The following ATM variants were observed in gnomAD, a reference collection of about 807,000 sequenced individuals.
The protein encoded by ATM is ATM serine/threonine kinase.
A neutral mutation model predicts 387.0 loss-of-function variants in ATM; 308 were observed. That is an observed-to-expected ratio of 0.80 (90% CI 0.73 to 0.87). ATM has a LOEUF of 0.87. Ranked by LOEUF, ATM falls within the 40% of genes least tolerant of loss-of-function variation. ATM has a pLI of 0.00. For synonymous variants in ATM, 1,156 were observed against 1,187.3 expected (o/e 0.97, Z 0.54); for missense variants, 3,312 against 3,560.9 (o/e 0.93, Z 1.78).
intron 22 of ATM, among the ~76,000 whole-genome samples, chr11:108,275,766 C>A (rs1256254213): frequency 2.0e-5 from 3 of 152,144 alleles, no homozygotes; most frequent in African/African-American, 7.2e-5. Flanking sequence ...TTGTGGGTAA[C>A]CCGACCTTTC....
intron 26 of ATM, among the ~76,000 whole-genome samples, 160 bp downstream of exon 26, chr11:108,284,633 A>G (rs1591647216): frequency 6.6e-6 from 1 of 152,290 alleles, no homozygotes; most frequent in East Asian, 1.9e-4. Flanking sequence ...TTTTTTGGTT[A>G]TGTCGTGTTG....
At chr11:108,232,688 C>T (rs1038100775) in intron 4 of ATM, among the ~76,000 whole-genome samples, 14 of 151,158 alleles carry the variant, frequency 9.3e-5, no homozygotes, top group African/African-American at 1.5e-4. Context: ...TATAGGCACA[C>T]GCCGCCAGGC....
chr11:108,286,149 T>C (rs1201538762), intron 26 of ATM, among the ~76,000 whole-genome samples: 1 of 151,466 alleles, frequency 6.6e-6, no homozygotes, highest in Non-Finnish European at 1.5e-5. Context: ...CTGGCCAACA[T>C]GGTGAAACCC....
intron 16 of ATM, among the ~76,000 whole-genome samples, chr11:108,262,971 C>A (rs1229899250): frequency 2.0e-5 from 3 of 151,988 alleles, no homozygotes; most frequent in South Asian, 2.1e-4. Context: ...CAGGAGCACC[C>A]AGATTCATAA....
chr11:108,252,947 G>A (rs1258707044), intron 12 of ATM, 35 bp downstream of exon 12: 3 of 1,510,356 alleles, frequency 2.0e-6, no homozygotes, highest in Non-Finnish European at 2.8e-6. Flanking sequence ...ATCATTTTAA[G>A]CTATAGCTTT....
chr11:108,316,252 A>G (rs2084640332), intron 42 of ATM, 139 bp downstream of exon 42: 1 of 920,094 alleles, frequency 1.1e-6, no homozygotes, highest in Non-Finnish European at 1.7e-6. Context: ...GGATTAGGCT[A>G]AACATTCAGG....
chr11:108,335,588 T>G (rs1316580803), intron 55 of ATM, among the ~76,000 whole-genome samples: 1 of 152,184 alleles, frequency 6.6e-6, no homozygotes, highest in Non-Finnish European at 1.5e-5. Context: ...CTCAGGTGTT[T>G]GCAGTATGCC....
intron 16 of ATM, 81 bp from the exon 17 acceptor site, chr11:108,267,090 C>T (rs2135503391): frequency 7.0e-7 from 1 of 1,423,282 alleles, no homozygotes; most frequent in East Asian, 2.4e-5. Flanking sequence ...GCCACTGTGC[C>T]CAGCCTGATT....
At chr11:108,244,512 G>T (rs2079732851) in intron 6 of ATM, among the ~76,000 whole-genome samples, 1 of 152,078 alleles carries the variant, frequency 6.6e-6, no homozygotes, top group African/African-American at 2.4e-5. Context: ...TTTTATAAAT[G>T]GTGTTACAAA....
chr11:108,266,806 T>G (rs2135500026), intron 16 of ATM, among the ~76,000 whole-genome samples: 1 of 150,062 alleles, frequency 6.7e-6, no homozygotes, highest in Non-Finnish European at 1.5e-5. Context: ...TTTTTTTTTT[T>G]TTTTTGAGAC....
At chr11:108,315,753 T>C in intron 40 of ATM, 70 bp from the exon 41 acceptor site, 1 of 1,215,508 alleles carries the variant, frequency 8.2e-7, no homozygotes, top group African/African-American at 1.5e-5. Context: ...AATGATACAA[T>C]TTAAAATTTG....
At chr11:108,288,103 T>TC (rs2082592736) in intron 27 of ATM, among the ~76,000 whole-genome samples, 2 of 151,948 alleles carry the variant, frequency 1.3e-5, no homozygotes, top group African/African-American at 4.8e-5. Flanking sequence ...GGAGTCTCAC[T>TC]CTGTTGCCCT....
chr11:108,359,191 A>C (rs373310968), intron 61 of ATM, among the ~76,000 whole-genome samples: 9 of 150,336 alleles, frequency 6.0e-5, no homozygotes, highest in African/African-American at 1.7e-4. Context: ...GATCAAAAGA[A>C]ACAAAGAAGG....
intron 7 of ATM, 42 bp downstream of exon 7, chr11:108,245,068 T>A (rs2135245822): frequency 6.8e-7 from 1 of 1,469,224 alleles, no homozygotes. Context: ...GCTTCTTCAT[T>A]CAAACATAGA....
At chr11:108,285,538 A>G (rs563520233) in intron 26 of ATM, among the ~76,000 whole-genome samples, 4 of 152,124 alleles carry the variant, frequency 2.6e-5, no homozygotes, top group Non-Finnish European at 4.4e-5. Context: ...TTATGTATGT[A>G]TTTATTTATT....
At chr11:108,318,835 C>G (rs760735024) in intron 43 of ATM, among the ~76,000 whole-genome samples, 3 of 151,914 alleles carry the variant, frequency 2.0e-5, no homozygotes, top group Non-Finnish European at 4.4e-5. Flanking sequence ...AATGTAAACC[C>G]TAAAAAATTA....
chr11:108,251,760 C>A (rs979762118), intron 10 of ATM, 77 bp from the exon 11 acceptor site: 4 of 1,373,104 alleles, frequency 2.9e-6, no homozygotes, highest in Non-Finnish European at 4.2e-6. Flanking sequence ...ATGTATGTGC[C>A]AGGCACTGTC....
chr11:108,260,778 T>C (rs1025236141), intron 16 of ATM, among the ~76,000 whole-genome samples: 3 of 151,990 alleles, frequency 2.0e-5, no homozygotes, highest in Admixed American at 2.0e-4. Flanking sequence ...GGTCAGTGGG[T>C]GTGCGCACCG....
intron 59 of ATM, 110 bp from the exon 60 acceptor site, chr11:108,353,656 T>C (rs2137279038): frequency 1.2e-6 from 1 of 862,822 alleles, no homozygotes. Flanking sequence ...CTAGTGTTCA[T>C]AGAACGTAGG....
Sources: gnomAD v4.1 joint callset for allele counts (sites outside exome capture counted in the v4.1 genomes callset) on GRCh38, gnomAD v4.1.1 for gene constraint, MANE v1.5 for transcripts, NCBI Gene and HGNC (gene_info 2026-07-23, HGNC 2026-07-21) for gene names.